The following RUNDC3B variants were observed in gnomAD, a reference collection of about 807,000 sequenced individuals.
RUNDC3B encodes the protein RUN domain-containing protein 3B.
RUNDC3B carries 33 observed loss-of-function variants against 58.4 expected under a neutral mutation model. The observed-to-expected ratio is 0.56, with a 90% confidence interval of 0.43 to 0.75. RUNDC3B has a LOEUF of 0.75. Among genes scored for constraint, RUNDC3B ranks in the 30% least tolerant of loss-of-function variants. The pLI is 0.00. For missense variants in RUNDC3B, 501 were observed against 535.7 expected, an observed-to-expected ratio of 0.94 and a Z score of 0.64; for synonymous variants, 193 against 195.2, an observed-to-expected ratio of 0.99 and a Z score of 0.10.
At chr7:87,825,313 C>T (rs1007157332) in intron 10 of RUNDC3B, among the ~76,000 whole-genome samples, 1 of 152,150 alleles carries the variant, frequency 6.6e-6, no homozygotes, top group African/African-American at 2.4e-5. Context: ...ATGTTAATCC[C>T]CAAGACAATG....
chr7:87,638,030 C>T (rs1330338667), intron 1 of RUNDC3B, among the ~76,000 whole-genome samples: 2 of 151,980 alleles, frequency 1.3e-5, no homozygotes, highest in East Asian at 3.8e-4. Context: ...GAATTTGTAT[C>T]ATAAATGGAT....
rs1229400405 is a variant in RUNDC3B at position 87,831,850 on chromosome 7, CATTT to C, written c.*1824_*1827del. 6.6e-6 allele frequency: 1 copy of C among 151,902 alleles called. No homozygotes were observed. The highest frequency in any genetic ancestry group is 2.4e-5 in the African/African-American group (1 of 41,418). The allele number at this position is 151,902 out of a possible 1,614,324, so 9.4% of individuals were successfully genotyped here. The stretch of plus-strand genomic sequence containing the variant: ...TCATTCATGGTCCACTCTCAACCAA[CATTT>C]ATTATCCTTTAGTAATTAAACAATG... On this transcript the variant is annotated 3_prime_UTR_variant, in exon 11 of 11. Coordinates refer to ENST00000394654, the MANE Select transcript of RUNDC3B (RefSeq NM_001134405.2).
intron 1 of RUNDC3B, among the ~76,000 whole-genome samples, chr7:87,648,643 G>C (rs1024646503): frequency 6.6e-6 from 1 of 152,038 alleles, no homozygotes; most frequent in Admixed American, 6.6e-5. Flanking sequence ...TAAAACACTT[G>C]AATTCTCAGT....
chr7:87,765,515 A>G (rs1475262719), intron 6 of RUNDC3B, among the ~76,000 whole-genome samples: 2 of 151,992 alleles, frequency 1.3e-5, no homozygotes, highest in East Asian at 3.8e-4. Context: ...ATTTGTTTCA[A>G]AAAGAATGTT....
At chr7:87,782,126 G>A (rs570032229) in intron 8 of RUNDC3B, among the ~76,000 whole-genome samples, 6 of 152,036 alleles carry the variant, frequency 3.9e-5, no homozygotes, top group African/African-American at 1.4e-4. Flanking sequence ...TTCTTAGTTG[G>A]TAGGTTTCTT....
chr7:87,725,579 G>A (rs1360707448), intron 4 of RUNDC3B, among the ~76,000 whole-genome samples: 2 of 152,196 alleles, frequency 1.3e-5, no homozygotes, highest in African/African-American at 4.8e-5. Flanking sequence ...ATAGCAGCAT[G>A]ATTTATAATC....
chr7:87,789,742 C>T (rs1455888881), intron 8 of RUNDC3B, among the ~76,000 whole-genome samples: 9 of 152,190 alleles, frequency 5.9e-5, no homozygotes, highest in Non-Finnish European at 1.0e-4. Flanking sequence ...GGGTATTAAT[C>T]GGAAATTAGA....
chr7:87,708,395 G>A (rs1248682343), intron 3 of RUNDC3B, among the ~76,000 whole-genome samples: 2 of 151,952 alleles, frequency 1.3e-5, no homozygotes, highest in Non-Finnish European at 2.9e-5. Flanking sequence ...TGAAAATTTA[G>A]AAGAAATGGG....
intron 1 of RUNDC3B, among the ~76,000 whole-genome samples, chr7:87,650,558 C>T (rs560215658): frequency 6.6e-6 from 1 of 152,236 alleles, no homozygotes; most frequent in South Asian, 2.1e-4. Flanking sequence ...AATACTATTG[C>T]TTTGGAGATT....
chr7:87,680,600 C>T (rs1350613138), intron 2 of RUNDC3B, among the ~76,000 whole-genome samples: 1 of 150,304 alleles, frequency 6.7e-6, no homozygotes, highest in Non-Finnish European at 1.5e-5. Context: ...TAAGGCCAGC[C>T]TGACTAACAT....
chr7:87,750,372 A>G (rs1192462225), intron 6 of RUNDC3B, among the ~76,000 whole-genome samples: 2 of 151,390 alleles, frequency 1.3e-5, no homozygotes, highest in African/African-American at 4.8e-5. Context: ...AGCATGATTT[A>G]TAGTCCTTTG....
chr7:87,773,322 C>CAA (rs760846940), intron 7 of RUNDC3B, among the ~76,000 whole-genome samples: 24 of 57,864 alleles, frequency 4.1e-4, no homozygotes, highest in African/African-American at 6.2e-4. Context: ...GACTCCGTCT[C>CAA]AAAAAAAAAA....
At chr7:87,720,412 G>A (rs1830806306) in intron 4 of RUNDC3B, among the ~76,000 whole-genome samples, 1 of 151,958 alleles carries the variant, frequency 6.6e-6, no homozygotes. Context: ...CTGAGGAAAT[G>A]CACATTCCTA....
At chr7:87,649,932 C>T (rs2130366815) in intron 1 of RUNDC3B, among the ~76,000 whole-genome samples, 1 of 152,286 alleles carries the variant, frequency 6.6e-6, no homozygotes, top group East Asian at 1.9e-4. Context: ...CTTCCTTCAT[C>T]TTCTGCCATA....
intron 6 of RUNDC3B, among the ~76,000 whole-genome samples, chr7:87,765,380 G>A (rs1488898719): frequency 1.3e-5 from 2 of 151,886 alleles, no homozygotes; most frequent in Admixed American, 6.6e-5. Flanking sequence ...TCCTTGAAGT[G>A]TAACATTTGG....
At chr7:87,671,529 C>T (rs574105271) in intron 2 of RUNDC3B, among the ~76,000 whole-genome samples, 2 of 152,254 alleles carry the variant, frequency 1.3e-5, no homozygotes, top group Non-Finnish European at 2.9e-5. Context: ...CTCGGATTTT[C>T]TAGTACCTGG....
At position 87,745,076 on chromosome 7, in the gene RUNDC3B, A is replaced by G. The variant is rs192639466; in HGVS notation, c.629+3497A>G. On this transcript the variant is annotated intron_variant, in intron 6 of 10. Coordinates refer to ENST00000394654, the MANE Select transcript of RUNDC3B (RefSeq NM_001134405.2). ...TTTTTCTGCATCTATTGAGATGATC[A>G]TGTGATTTGTGTTTTTAGTTCTGTT... is the stretch of plus-strand genomic sequence containing the variant. 1.4e-3 allele frequency among the ~76,000 whole-genome samples: 210 copies of G among 152,246 alleles called. 1 individual carries two copies. The highest frequency in any genetic ancestry group is 5.0e-3 in the African/African-American group (206 of 41,544).
intron 4 of RUNDC3B, among the ~76,000 whole-genome samples, chr7:87,732,620 A>G (rs1282385704): frequency 6.6e-6 from 1 of 152,152 alleles, no homozygotes; most frequent in Non-Finnish European, 1.5e-5. Flanking sequence ...GACACACACA[A>G]GATAGTGAAA....
At chr7:87,764,495 T>C (rs910353277) in intron 6 of RUNDC3B, among the ~76,000 whole-genome samples, 2 of 151,948 alleles carry the variant, frequency 1.3e-5, no homozygotes, top group Non-Finnish European at 1.5e-5. Context: ...TTTGGGCTTC[T>C]AGTGTAACCA....
Sources: allele counts gnomAD v4.1 joint callset (sites outside exome capture counted in the v4.1 genomes callset), GRCh38; gene constraint gnomAD v4.1.1; transcripts MANE v1.5; gene names NCBI Gene and HGNC (gene_info 2026-07-23, HGNC 2026-07-21).